PCCA: variants seen among roughly 807,000 people sequenced by gnomAD.
The protein encoded by PCCA is propionyl-CoA carboxylase subunit alpha.
PCCA carries 74 observed loss-of-function variants against 101.3 expected under a neutral mutation model. The observed-to-expected ratio is 0.73, with a 90% CI of 0.61 to 0.89. The LOEUF is 0.89. PCCA is among the 40% of genes least tolerant of loss of function. The pLI is 0.00. For missense variants in PCCA, 891 were observed against 907.0 expected (o/e 0.98, Z 0.23); for synonymous variants, 294 against 313.6 (o/e 0.94, Z 0.66).
chr13:100,469,080 A>C (rs2082759685), intron 21 of PCCA, among the ~76,000 whole-genome samples: 1 of 151,842 alleles, frequency 6.6e-6, no homozygotes, highest in South Asian at 2.1e-4. Context: ...ACGTGGTGGC[A>C]CATTCCTGTA....
intron 6 of PCCA, among the ~76,000 whole-genome samples, chr13:100,171,215 A>G (rs1226573203): frequency 1.3e-5 from 2 of 152,246 alleles, no homozygotes; most frequent in African/African-American, 4.8e-5. Flanking sequence ...GTTAACATTA[A>G]ATGGGCTATT....
chr13:100,437,227 A>G (rs186390260), intron 20 of PCCA, among the ~76,000 whole-genome samples: 82 of 152,240 alleles, frequency 5.4e-4, no homozygotes, highest in African/African-American at 1.9e-3. Context: ...CCACAGAACC[A>G]CCCGCACCTG....
chr13:100,259,963 G>A lies in PCCA; in HGVS notation c.716+2290G>A, dbSNP rs550096330. On this transcript the variant is annotated intron_variant, in intron 9 of 23. Transcript: ENST00000376285. ...CCATGAGTTCTAAAATAGGTTGTTGGCGATGCTTTCAAACTTGCTGCTTAT... is the reference window on the plus strand; with the variant it reads ...CCATGAGTTCTAAAATAGGTTGTTGACGATGCTTTCAAACTTGCTGCTTAT... 3.3e-5 allele frequency among the ~76,000 whole-genome samples: 5 copies of A among 152,164 alleles called. No individual in the cohort carries two copies. The East Asian group carries it at 9.7e-4, about 29-fold the overall frequency.
At chr13:100,482,249 G>A (rs1275391615) in intron 21 of PCCA, among the ~76,000 whole-genome samples, 5 of 152,210 alleles carry the variant, frequency 3.3e-5, no homozygotes, top group Admixed American at 2.0e-4. Flanking sequence ...GGACTGTGTG[G>A]AGAACATGGG....
chr13:100,332,131 G>A (rs570752924), intron 17 of PCCA, among the ~76,000 whole-genome samples: 1 of 152,022 alleles, frequency 6.6e-6, no homozygotes, highest in South Asian at 2.1e-4. Flanking sequence ...TAGAAACGGG[G>A]TTTCACCATG....
At chr13:100,342,982 C>T (rs1361748151) in intron 18 of PCCA, among the ~76,000 whole-genome samples, 1 of 152,130 alleles carries the variant, frequency 6.6e-6, no homozygotes, top group East Asian at 1.9e-4. Context: ...CAGCCTTGGC[C>T]TCCCAAAGTG....
chr13:100,229,370 C>T (rs1409242870), intron 7 of PCCA, among the ~76,000 whole-genome samples: 1 of 152,190 alleles, frequency 6.6e-6, no homozygotes, highest in Admixed American at 6.5e-5. Context: ...TAAATAGTAA[C>T]TTCTCTTAGA....
intron 12 of PCCA, chr13:100,293,311 G>A (rs2065279280): frequency 4.4e-6 from 2 of 458,190 alleles, no homozygotes; most frequent in Non-Finnish European, 9.0e-6. Context: ...TCATCAGGGG[G>A]AATTCTGCAT....
chr13:100,368,428 A>G (rs1272182567), intron 18 of PCCA, 44 bp from the exon 19 acceptor site: 1 of 1,047,864 alleles, frequency 9.5e-7, no homozygotes, highest in Admixed American at 1.7e-5. Context: ...TTGAGAAATA[A>G]TAATATAAAA....
Position 100,523,762 on chromosome 13 carries a change from G to A in PCCA, c.2041-3913G>A, listed in dbSNP as rs1271225737. 2.0e-5 allele frequency among the ~76,000 whole-genome samples: 3 copies of A among 152,200 alleles called. No individual in the cohort carries two copies. The East Asian group carries it at 5.8e-4, about 29-fold the overall frequency. Reference sequence around the variant, plus strand: ...TTTACACCAATTAGACAGGGAGCGGGGAGATACATCAGGCCCACTAGGTTC... The same window carrying A: ...TTTACACCAATTAGACAGGGAGCGGAGAGATACATCAGGCCCACTAGGTTC... On this transcript the variant is annotated intron_variant, in intron 22 of 23. Coordinates refer to ENST00000376285, the MANE Select transcript of PCCA (RefSeq NM_000282.4).
chr13:100,314,312 G>A (rs138141281), intron 16 of PCCA, among the ~76,000 whole-genome samples: 234 of 152,274 alleles, frequency 1.5e-3, no homozygotes, highest in African/African-American at 5.4e-3. Flanking sequence ...CTCTCCAGGT[G>A]CACCACCCTC....
chr13:100,458,503 C>T (rs968350833), intron 21 of PCCA, among the ~76,000 whole-genome samples: 7 of 151,074 alleles, frequency 4.6e-5, no homozygotes, highest in Admixed American at 6.6e-5. Context: ...AGTATGGTGA[C>T]GCCCACCTAT....
chr13:100,200,632 C>G (rs2058421757), intron 6 of PCCA, among the ~76,000 whole-genome samples: 1 of 149,908 alleles, frequency 6.7e-6, no homozygotes, highest in Non-Finnish European at 1.5e-5. Flanking sequence ...GTTATCTTAA[C>G]TATATTATAT....
intron 19 of PCCA, among the ~76,000 whole-genome samples, chr13:100,402,364 G>T (rs1433124915): frequency 6.6e-6 from 1 of 151,880 alleles, no homozygotes; most frequent in Non-Finnish European, 1.5e-5. Context: ...CACGATGCTT[G>T]TGTCAGTTTT....
chr13:100,409,820 T>C (rs1461381458), intron 19 of PCCA, among the ~76,000 whole-genome samples: 1 of 152,124 alleles, frequency 6.6e-6, no homozygotes, highest in East Asian at 1.9e-4. Flanking sequence ...CAGGATGGAG[T>C]GCAATGACAT....
intron 2 of PCCA, among the ~76,000 whole-genome samples, chr13:100,106,221 T>G (rs144198051): frequency 6.6e-6 from 1 of 152,174 alleles, no homozygotes; most frequent in African/African-American, 2.4e-5. Context: ...ACTGAACTTA[T>G]CAAGCAGGTT....
At chr13:100,510,911 C>T (rs939772773) in intron 21 of PCCA, among the ~76,000 whole-genome samples, 2 of 152,236 alleles carry the variant, frequency 1.3e-5, no homozygotes, top group South Asian at 2.1e-4. Context: ...TCCATGTCCG[C>T]TCCTTTGCCT....
chr13:100,328,707 T>G (rs1159194043), intron 16 of PCCA, among the ~76,000 whole-genome samples: 2 of 145,626 alleles, frequency 1.4e-5, no homozygotes, highest in Admixed American at 1.4e-4. Flanking sequence ...TTTTTTTTTT[T>G]TTTTGAGATG....
At chr13:100,092,388 C>CTT (rs553592520) in intron 1 of PCCA, among the ~76,000 whole-genome samples, 1 of 135,206 alleles carries the variant, frequency 7.4e-6, no homozygotes, top group Non-Finnish European at 1.6e-5. Context: ...TTCTTTCTTC[C>CTT]TTTTTTTTTT....
Sources: gnomAD v4.1 joint callset for allele counts (sites outside exome capture counted in the v4.1 genomes callset) on GRCh38, gnomAD v4.1.1 for gene constraint, MANE v1.5 for transcripts, NCBI Gene and HGNC (gene_info 2026-07-23, HGNC 2026-07-21) for gene names.